Variants in NSUN4 observed in about 807,000 individuals in gnomAD.
NSUN4 encodes 5-cytosine rRNA methyltransferase NSUN4.
In NSUN4, 31 loss-of-function variants were observed where a neutral mutation model predicts 43.8. The ratio of observed to expected loss-of-function variants is 0.71; its 90% CI spans 0.53 to 0.96. The LOEUF (loss-of-function observed/expected upper bound fraction) is 0.96. NSUN4 is among the 40% of genes least tolerant of loss of function. NSUN4 has a pLI of 0.00. For missense variants in NSUN4, 439 were observed against 475.6 expected, an observed-to-expected ratio of 0.92 and a Z score of 0.72; for synonymous variants, 167 against 184.1, an observed-to-expected ratio of 0.91 and a Z score of 0.75.
intron 3 of NSUN4, among the ~76,000 whole-genome samples, chr1:46,349,524 T>G (rs1034764117): frequency 6.6e-6 from 1 of 152,184 alleles, no homozygotes; most frequent in Non-Finnish European, 1.5e-5. Flanking sequence ...CTTTGGCCCC[T>G]GACAAAGGGC....
At chr1:46,354,274 T>C (rs1663213339) in intron 4 of NSUN4, among the ~76,000 whole-genome samples, 1 of 151,958 alleles carries the variant, frequency 6.6e-6, no homozygotes, top group South Asian at 2.1e-4. Flanking sequence ...CAGCAAATGA[T>C]TTTTTGTAGA....
the NSUN4 span, among the ~76,000 whole-genome samples, chr1:46,377,100 A>G: frequency 9.9e-5 from 15 of 150,766 alleles, no homozygotes; most frequent in Non-Finnish European, 1.3e-4. Context: ...CCCAGGCTGG[A>G]GTGTAGTGGC....
chr1:46,341,256 T>G, intron 1 of NSUN4: 6 of 344,636 alleles, frequency 1.7e-5, no homozygotes, highest in Non-Finnish European at 2.1e-5. Context: ...CTTCCCTCCC[T>G]CCCCTCCCCC....
chr1:46,357,027 T>C (rs1663431252), intron 4 of NSUN4, among the ~76,000 whole-genome samples: 1 of 152,174 alleles, frequency 6.6e-6, no homozygotes, highest in African/African-American at 2.4e-5. Flanking sequence ...GCACGACTGG[T>C]TATTTATGAC....
intron 4 of NSUN4, among the ~76,000 whole-genome samples, chr1:46,353,667 C>T (rs1225112160): frequency 3.3e-5 from 5 of 151,954 alleles, no homozygotes; most frequent in East Asian, 3.9e-4. Context: ...TTAGTAGAGA[C>T]GGGGCTTCAC....
chr1:46,346,933 G>A lies in NSUN4; in HGVS notation c.450G>A (p.Leu150=), dbSNP rs565264054. ...SRFPPARPGS[L]GVMEYYLMDA... ...TCCTCTTTTCCAGACCTGGCAGCCT[G>A]GGTGTCATGGAGTACTACCTGATGG... Residue 150 remains leucine, a synonymous_variant, in exon 3 of 6, where the codon CTG becomes CTA. Transcript: ENST00000474844. The A allele has an allele frequency of 6.2e-7, 1 of 1,613,508 alleles. No individual in the cohort carries two copies. The highest frequency in any genetic ancestry group is 1.3e-5 in the African/African-American group (1 of 75,026).
the NSUN4 span, among the ~76,000 whole-genome samples, chr1:46,382,459 C>T: frequency 6.6e-6 from 1 of 152,156 alleles, no homozygotes; most frequent in Non-Finnish European, 1.5e-5. Flanking sequence ...AGTGGAATCC[C>T]CATCCACTCA....
chr1:46,344,057 C>T (rs935274181), intron 1 of NSUN4: 2 of 329,208 alleles, frequency 6.1e-6, no homozygotes, highest in Non-Finnish European at 5.5e-6. Context: ...CAACCAGGAC[C>T]GACTTGTGCA....
At position 46,342,247 on chromosome 1, in the gene NSUN4, G is replaced by C. The variant is rs138552871; in HGVS notation, c.93+1328G>C. 1.2e-3 allele frequency: 469 copies of C among 399,418 alleles called. 2 individuals are homozygous for C. Among genetic ancestry groups the C allele is most frequent in the African/African-American group, 8.2e-3 (398 of 48,674 alleles). 24.7% of individuals were successfully genotyped at this position (399,418 alleles called of 1,614,324 possible). On this transcript the variant is annotated intron_variant, in intron 1 of 5. Coordinates refer to ENST00000474844, the MANE Select transcript of NSUN4 (RefSeq NM_199044.4). ...CCAGCATCTTCCCCACCTACTGGCAGCTTTTACCATGGCAGCCTTAAGCCT... is the reference window on the plus strand; with the variant it reads ...CCAGCATCTTCCCCACCTACTGGCACCTTTTACCATGGCAGCCTTAAGCCT...
intron 1 of NSUN4, chr1:46,341,941 C>A (rs1662141657): frequency 1.6e-6 from 2 of 1,232,766 alleles, no homozygotes; most frequent in Non-Finnish European, 2.0e-6. Context: ...AGCCCGGCAA[C>A]CTCCTTTCCC....
At chr1:46,353,759 G>T (rs1663173204) in intron 4 of NSUN4, among the ~76,000 whole-genome samples, 1 of 151,554 alleles carries the variant, frequency 6.6e-6, no homozygotes, top group Non-Finnish European at 1.5e-5. Context: ...TTACAGGCGT[G>T]AGCCACTGCG....
At chr1:46,382,330 A>G in the NSUN4 span, among the ~76,000 whole-genome samples, 1 of 152,188 alleles carries the variant, frequency 6.6e-6, no homozygotes, top group Admixed American at 6.5e-5. Flanking sequence ...GCCACTATGC[A>G]ATGAAAAAAG....
chr1:46,346,774 G>A (rs1662537149), intron 2 of NSUN4, 147 bp from the exon 3 acceptor site: 1 of 632,098 alleles, frequency 1.6e-6, no homozygotes, highest in African/African-American at 1.8e-5. Flanking sequence ...ATAGATGAAT[G>A]AATAAGTGAA....
the NSUN4 span, among the ~76,000 whole-genome samples, chr1:46,384,256 A>G: frequency 5.3e-5 from 8 of 152,362 alleles, no homozygotes; most frequent in South Asian, 1.7e-3. Context: ...CACATCTAGT[A>G]ATCCCTCCTC....
chr1:46,343,276 C>A, intron 1 of NSUN4: 1 of 399,670 alleles, frequency 2.5e-6, no homozygotes. Context: ...CCTCCTTGTT[C>A]TACCCACATC....
chr1:46,365,957 G>T (rs530613638), downstream of NSUN4, among the ~76,000 whole-genome samples: 2 of 151,920 alleles, frequency 1.3e-5, no homozygotes, highest in Admixed American at 6.6e-5. Flanking sequence ...GGAAAACCCC[G>T]TCTGTACTAA....
At chr1:46,383,581 G>A in the NSUN4 span, among the ~76,000 whole-genome samples, 11 of 147,946 alleles carry the variant, frequency 7.4e-5, no homozygotes, top group South Asian at 8.9e-4. Context: ...TCAGCCTCCC[G>A]AGTAGCTGGG....
At chr1:46,381,588 A>G in the NSUN4 span, among the ~76,000 whole-genome samples, 12 of 152,180 alleles carry the variant, frequency 7.9e-5, no homozygotes, top group Non-Finnish European at 1.5e-4. Context: ...TCTTGGCCCT[A>G]CTCACAACAG....
downstream of NSUN4, among the ~76,000 whole-genome samples, chr1:46,365,594 G>C (rs1034512649): frequency 6.6e-6 from 1 of 151,936 alleles, no homozygotes; most frequent in African/African-American, 2.4e-5. Context: ...CACCTACCTC[G>C]GCCTCCCAAA....
Sources: gnomAD v4.1 joint callset for allele counts (sites outside exome capture counted in the v4.1 genomes callset) on GRCh38, gnomAD v4.1.1 for gene constraint, MANE v1.5 for transcripts, NCBI Gene and HGNC (gene_info 2026-07-23, HGNC 2026-07-21) for gene names.